FMO1: variants seen among roughly 807,000 people sequenced by gnomAD.
FMO1 encodes flavin containing dimethylaniline monoxygenase 1.
FMO1 carries 36 observed loss-of-function variants against 45.4 expected under a neutral mutation model. The observed-to-expected ratio is 0.79, with a 90% CI of 0.61 to 1.05. FMO1 has a LOEUF of 1.05. Among genes scored for constraint, FMO1 ranks in the 50% least tolerant of loss-of-function variants. FMO1 has a pLI of 0.00. For synonymous variants in FMO1, 228 were observed against 227.2 expected, an observed-to-expected ratio of 1.00 and a Z score of -0.03; for missense variants, 615 against 640.3, an observed-to-expected ratio of 0.96 and a Z score of 0.43.
chr1:171,252,633 C>T (rs1258262395), intron 1 of FMO1, among the ~76,000 whole-genome samples: 1 of 152,186 alleles, frequency 6.6e-6, no homozygotes, highest in Non-Finnish European at 1.5e-5. Context: ...TCTACAAGTA[C>T]GCTTCTCCCA....
At chr1:171,254,617 T>C (rs1337982040) in intron 1 of FMO1, among the ~76,000 whole-genome samples, 3 of 152,188 alleles carry the variant, frequency 2.0e-5, no homozygotes, top group Non-Finnish European at 4.4e-5. Context: ...CAACAATGTC[T>C]TATGGATGAT....
chr1:171,274,861 A>G (rs1661039161), intron 3 of FMO1, among the ~76,000 whole-genome samples: 1 of 152,254 alleles, frequency 6.6e-6, no homozygotes, highest in Non-Finnish European at 1.5e-5. Context: ...CCATAATGTT[A>G]GCACTTTTCA....
intron 2 of FMO1, among the ~76,000 whole-genome samples, chr1:171,265,549 G>A (rs1017565670): frequency 1.3e-5 from 2 of 151,754 alleles, no homozygotes; most frequent in African/African-American, 2.4e-5. Context: ...TAGATATAAA[G>A]GAAAACAATT....
chr1:171,279,898 C>T (rs1385990857), intron 5 of FMO1, among the ~76,000 whole-genome samples: 1 of 152,132 alleles, frequency 6.6e-6, no homozygotes, highest in Non-Finnish European at 1.5e-5. Context: ...CCCCTTTGCT[C>T]ACGCTACCCC....
intron 1 of FMO1, chr1:171,257,746 C>T (rs1241021186): frequency 5.8e-6 from 2 of 344,978 alleles, no homozygotes; most frequent in East Asian, 1.5e-4. Context: ...GTTCTAGGGC[C>T]ACAGAATGGA....
intron 8 of FMO1, 138 bp from the exon 9 acceptor site, chr1:171,285,064 G>T (rs1661562241): frequency 1.8e-6 from 1 of 564,598 alleles, no homozygotes; most frequent in East Asian, 3.0e-5. Flanking sequence ...CCGTTAGATA[G>T]GTAGGGAAAT....
In FMO1 at chr1:171,265,433, G is replaced by C. The variant is rs146480268; in HGVS notation, c.133-2110G>C. Among the ~76,000 whole-genome samples, 1,087 of 150,920 alleles carry C rather than the reference G, an allele frequency of 7.2e-3. 16 individuals carry two copies. The highest frequency in any genetic ancestry group is 0.025 in the African/African-American group (1,023 of 41,026). On this transcript the variant is annotated intron_variant, in intron 2 of 8. Transcript: ENST00000617670. The stretch of plus-strand genomic sequence containing the variant: ...AAAGAAAAAGAAAAAAAAAAAGAAT[G>C]CTTAGAAAAATGAAAATGACACAAA...
intron 2 of FMO1, among the ~76,000 whole-genome samples, chr1:171,263,025 G>A (rs186019549): frequency 4.5e-4 from 68 of 152,150 alleles, no homozygotes; most frequent in African/African-American, 1.6e-3. Flanking sequence ...TCTATTTAGG[G>A]GTGAATTTTA....
At chr1:171,279,305 T>G (rs528639954) in intron 5 of FMO1, among the ~76,000 whole-genome samples, 37 of 152,242 alleles carry the variant, frequency 2.4e-4, no homozygotes, top group African/African-American at 8.7e-4. Flanking sequence ...ATAATAGTTG[T>G]AGAAATAGTT....
intron 4 of FMO1, among the ~76,000 whole-genome samples, chr1:171,275,940 T>C (rs1177598453): frequency 4.6e-5 from 7 of 152,252 alleles, no homozygotes; most frequent in Non-Finnish European, 1.0e-4. Context: ...GTTCCTCTTA[T>C]GTGAGTGATA....
intron 5 of FMO1, 78 bp downstream of exon 5, chr1:171,278,949 T>C: frequency 8.8e-7 from 1 of 1,140,938 alleles, no homozygotes; most frequent in Non-Finnish European, 1.2e-6. Flanking sequence ...GACACCATGA[T>C]AAATGTTAAA....
At chr1:171,250,681 C>T (rs2102057377) in intron 1 of FMO1, among the ~76,000 whole-genome samples, 1 of 152,330 alleles carries the variant, frequency 6.6e-6, no homozygotes, top group East Asian at 1.9e-4. Context: ...TTTCCCAACT[C>T]ATTTAGTAAT....
chr1:171,282,128 C>G lies in FMO1; in HGVS notation c.978C>G (p.Val326=). The G allele has an allele frequency of 6.2e-7, 1 of 1,614,014 alleles. No homozygotes were observed. The highest frequency in any genetic ancestry group is 8.5e-7 in the Non-Finnish European group (1 of 1,179,896). The change falls in exon 7 of 9, where the codon GTC becomes GTG. Residue 326 remains valine, a synonymous_variant. Transcript: ENST00000617670. ...AGGAAGAGCCTATTGACATCATTGT[C>G]TTTGCCACTGGATACACATTTGCTT... ...TSKEEPIDII[V]FATGYTFAFP...
chr1:171,278,702 G>A, intron 4 of FMO1, 27 bp from the exon 5 acceptor site: 1 of 1,517,834 alleles, frequency 6.6e-7, no homozygotes, highest in Non-Finnish European at 9.0e-7. Context: ...TTAATTCTCT[G>A]TGTGACTTCT....
At chr1:171,253,126 T>A (rs1285243851) in intron 1 of FMO1, among the ~76,000 whole-genome samples, 1 of 152,200 alleles carries the variant, frequency 6.6e-6, no homozygotes, top group Non-Finnish European at 1.5e-5. Context: ...AAAAAACCTT[T>A]CAGGGTGACT....
At chr1:171,266,308 T>C (rs1660617312) in intron 2 of FMO1, among the ~76,000 whole-genome samples, 1 of 152,224 alleles carries the variant, frequency 6.6e-6, no homozygotes, top group South Asian at 2.1e-4. Flanking sequence ...AAATGCTTAC[T>C]CTTGATTTCT....
Position 171,270,506 on chromosome 1 carries a change from A to C in FMO1, c.321+2775A>C, listed in dbSNP as rs553676469. 8.7e-6 allele frequency: 8 copies of C among 917,998 alleles called. No homozygotes were observed. The South Asian group carries it at 3.5e-4, about 40-fold the overall frequency. 56.9% of individuals were successfully genotyped at this position (917,998 alleles called of 1,614,324 possible). Reference sequence around the variant, plus strand: ...AAAAGGACAACAATACTAATAAAAAATTTGTATTTACTTAGAAGCATTCAG... The same window carrying C: ...AAAAGGACAACAATACTAATAAAAACTTTGTATTTACTTAGAAGCATTCAG... On this transcript the variant is annotated intron_variant, in intron 3 of 8. Transcript: ENST00000617670.
chr1:171,248,786 T>A (rs1244452348), intron 1 of FMO1, among the ~76,000 whole-genome samples, 163 bp downstream of exon 1: 1 of 151,786 alleles, frequency 6.6e-6, no homozygotes, highest in East Asian at 2.0e-4. Flanking sequence ...GCCCAAAGTA[T>A]AGGAGTAGTA....
chr1:171,266,137 A>G (rs940150631), intron 2 of FMO1, among the ~76,000 whole-genome samples: 1 of 152,374 alleles, frequency 6.6e-6, no homozygotes, highest in South Asian at 2.1e-4. Context: ...ACCTTAAAAC[A>G]TCGCACATGA....
Sources: allele counts gnomAD v4.1 joint callset (sites outside exome capture counted in the v4.1 genomes callset), GRCh38; gene constraint gnomAD v4.1.1; transcripts MANE v1.5; gene names NCBI Gene and HGNC (gene_info 2026-07-23, HGNC 2026-07-21).